The following CCDC146 variants were observed in gnomAD, a reference collection of about 807,000 sequenced individuals.
The protein encoded by CCDC146 is coiled-coil domain containing 146.
In CCDC146, 92 loss-of-function variants were observed where a neutral mutation model predicts 119.3. The ratio of observed to expected loss-of-function variants is 0.77; its 90% CI spans 0.65 to 0.92. CCDC146 has a LOEUF of 0.92. CCDC146 is among the 40% of genes least tolerant of loss of function. The pLI, the probability that CCDC146 is intolerant of heterozygous loss-of-function variation, is 0.00. For missense variants in CCDC146, 1,000 were observed against 1,103.0 expected (o/e 0.91, Z 1.32); for synonymous variants, 372 against 371.8 (o/e 1.00, Z -0.01).
In CCDC146 at chr7:77,282,696, G is replaced by T. The variant is rs149514687; in HGVS notation, c.2059G>T (p.Ala687Ser). Reference protein sequence around the residue: ...EKIQFLKMKIAEKQRQICVTQ... With the variant: ...EKIQFLKMKISEKQRQICVTQ... The stretch of plus-strand genomic sequence containing the variant: ...GATCCAATTCCTGAAAATGAAGATT[G>T]CTGAGAAGCAAAGACAAATTTGTGT... The change falls in exon 15 of 19, where the codon GCT becomes TCT. Residue 687 changes from alanine (A) to serine (S), a missense_variant. Physicochemically the swap from Ala to Ser is moderately conservative, Grantham distance 99. Around this residue, in one of 2 missense-constraint regions of CCDC146, gnomAD observed 985 missense variants for 1,045.3 expected, o/e 0.94. Coordinates refer to ENST00000285871, the MANE Select transcript of CCDC146 (RefSeq NM_020879.3). 5.8e-5 allele frequency: 93 copies of T among 1,614,050 alleles called. No homozygotes were observed. Among genetic ancestry groups the T allele is most frequent in the Non-Finnish European group, 7.9e-5 (93 of 1,180,020 alleles).
intron 2 of CCDC146, among the ~76,000 whole-genome samples, chr7:77,178,213 A>G (rs1293310009): frequency 6.6e-6 from 1 of 152,220 alleles, no homozygotes; most frequent in Non-Finnish European, 1.5e-5. Context: ...AATGACAAAC[A>G]TGGAGATTGA....
chr7:77,126,928 GC>G (rs894462933), intron 1 of CCDC146, among the ~76,000 whole-genome samples: 1 of 152,036 alleles, frequency 6.6e-6, no homozygotes, highest in Admixed American at 6.5e-5. Flanking sequence ...CTGGGGACCT[GC>G]CCCCTTCCAC....
intron 1 of CCDC146, among the ~76,000 whole-genome samples, chr7:77,133,065 G>C (rs1790808716): frequency 6.6e-6 from 1 of 151,930 alleles, no homozygotes; most frequent in African/African-American, 2.4e-5. Context: ...CTGCTACTCG[G>C]GAGGCTGAGG....
chr7:77,181,446 A>C (rs1791587496), intron 2 of CCDC146, among the ~76,000 whole-genome samples: 1 of 152,154 alleles, frequency 6.6e-6, no homozygotes, highest in South Asian at 2.1e-4. Context: ...CTCAGACATA[A>C]TATATTATCA....
chr7:77,132,481 C>T (rs551147270), intron 1 of CCDC146, among the ~76,000 whole-genome samples: 1 of 148,734 alleles, frequency 6.7e-6, no homozygotes, highest in East Asian at 2.0e-4. Context: ...ATTTGGGAAG[C>T]CGAGATGGGA....
chr7:77,238,447 C>T (rs548442373), intron 3 of CCDC146, among the ~76,000 whole-genome samples: 2 of 152,114 alleles, frequency 1.3e-5, no homozygotes, highest in Admixed American at 6.5e-5. Context: ...GACAGAGTCT[C>T]CCTCTGTCAC....
At chr7:77,173,175 C>G (rs1252323273) in intron 2 of CCDC146, among the ~76,000 whole-genome samples, 1 of 151,968 alleles carries the variant, frequency 6.6e-6, no homozygotes, top group African/African-American at 2.4e-5. Flanking sequence ...TGGAACAAAC[C>G]TGCACATTCT....
chr7:77,152,300 C>T (rs912634930), intron 1 of CCDC146, among the ~76,000 whole-genome samples: 6 of 152,088 alleles, frequency 3.9e-5, no homozygotes, highest in African/African-American at 1.4e-4. Context: ...ATTATTCTAA[C>T]TCTATAATTA....
chr7:77,155,742 G>A lies in CCDC146; in HGVS notation c.-11-11916G>A, dbSNP rs180945486. Among the ~76,000 whole-genome samples, 740 of 152,244 alleles carry A rather than the reference G, an allele frequency of 4.9e-3. 8 individuals carry two copies. The highest frequency in any genetic ancestry group is 0.017 in the African/African-American group (692 of 41,552). Reference sequence around the variant, plus strand: ...AAGGGTTATATAAATATTATTATTAGGCGCCCTGAACAAGAGTGCTTGCAT... The same window carrying A: ...AAGGGTTATATAAATATTATTATTAAGCGCCCTGAACAAGAGTGCTTGCAT... On this transcript the variant is annotated intron_variant, in intron 1 of 18. Transcript: ENST00000285871.
At chr7:77,261,868 C>G (rs1793306393) in intron 8 of CCDC146, among the ~76,000 whole-genome samples, 1 of 152,188 alleles carries the variant, frequency 6.6e-6, no homozygotes, top group Non-Finnish European at 1.5e-5. Context: ...TAGGTTGGTT[C>G]TATGTCTTTG....
Position 77,280,617 on chromosome 7 carries a change from A to C in CCDC146, c.1883A>C (p.Lys628Thr), listed in dbSNP as rs1390068330. ...GAAGAGGAGATGGTGCAGCTTCGCA[A>C]AAGATACGAAAAAGCTGTTCAGCAT... ...MIEEEMVQLR[K>T]RYEKAVQHRN... The change falls in exon 14 of 19, where the codon AAA becomes ACA. Residue 628 changes from lysine to threonine, a missense_variant. This residue lies in a region of CCDC146 where 985 missense variants were observed against 1,045.3 expected (regional missense o/e 0.94). Coordinates refer to ENST00000285871, the MANE Select transcript of CCDC146 (RefSeq NM_020879.3). The C allele has an allele frequency of 6.2e-7, 1 of 1,613,668 alleles. No individual in the cohort carries two copies. The highest frequency in any genetic ancestry group is 2.2e-5 in the East Asian group (1 of 44,872).
intron 2 of CCDC146, chr7:77,198,007 C>A: frequency 2.7e-6 from 1 of 368,634 alleles, no homozygotes; most frequent in Non-Finnish European, 3.8e-6. Context: ...ATATTTAGAG[C>A]TCAGAATATT....
At chr7:77,283,815 A>G (rs1793803667) in intron 15 of CCDC146, among the ~76,000 whole-genome samples, 1 of 152,108 alleles carries the variant, frequency 6.6e-6, no homozygotes, top group African/African-American at 2.4e-5. Context: ...ATTTTATGCC[A>G]TTTGAATGTG....
intron 4 of CCDC146, among the ~76,000 whole-genome samples, chr7:77,249,862 T>C (rs1402814950): frequency 6.6e-6 from 1 of 152,214 alleles, no homozygotes; most frequent in African/African-American, 2.4e-5. Flanking sequence ...TCTCTATTTG[T>C]TGTGCTTGTT....
intron 2 of CCDC146, among the ~76,000 whole-genome samples, chr7:77,185,244 T>C (rs1365860877): frequency 6.6e-6 from 1 of 152,144 alleles, no homozygotes; most frequent in Non-Finnish European, 1.5e-5. Flanking sequence ...ATTATCAGTA[T>C]GCAGAAACAA....
intron 14 of CCDC146, 37 bp downstream of exon 14, chr7:77,280,690 C>A (rs1464874508): frequency 2.1e-6 from 3 of 1,397,866 alleles, no homozygotes; most frequent in African/African-American, 2.9e-5. Context: ...ACCAGGGATC[C>A]AACTGAGGAA....
chr7:77,152,938 T>C (rs1791127854), intron 1 of CCDC146, among the ~76,000 whole-genome samples: 1 of 152,174 alleles, frequency 6.6e-6, no homozygotes, highest in Admixed American at 6.6e-5. Flanking sequence ...ATCCTCACAA[T>C]AACACTGAAA....
intron 3 of CCDC146, among the ~76,000 whole-genome samples, chr7:77,240,624 C>A (rs1219030321): frequency 3.9e-5 from 6 of 152,162 alleles, no homozygotes; most frequent in Non-Finnish European, 8.8e-5. Context: ...AAAGTCTGTA[C>A]ATGTTCAGTA....
At chr7:77,127,190 G>T (rs1183575536) in intron 1 of CCDC146, among the ~76,000 whole-genome samples, 1 of 152,122 alleles carries the variant, frequency 6.6e-6, no homozygotes, top group Non-Finnish European at 1.5e-5. Context: ...AGCAGGGGCG[G>T]GATTCCCCAG....
Sources: allele counts gnomAD v4.1 joint callset (sites outside exome capture counted in the v4.1 genomes callset), GRCh38; gene constraint gnomAD v4.1.1; regional missense constraint gnomAD v4.1.1; transcripts MANE v1.5; gene names NCBI Gene and HGNC (gene_info 2026-07-23, HGNC 2026-07-21).